Variants in DHX40 observed in about 807,000 individuals in gnomAD.
DHX40 encodes the protein DEAH-box helicase 40.
In DHX40, 28 loss-of-function variants were observed where a neutral mutation model predicts 89.6. That is an observed-to-expected ratio of 0.31 (90% confidence interval 0.23 to 0.43). The LOEUF (loss-of-function observed/expected upper bound fraction) is 0.43. Among genes scored for constraint, DHX40 ranks in the 20% least tolerant of loss-of-function variants. The pLI is 1.00. For missense variants in DHX40, 457 were observed against 844.0 expected (o/e 0.54, Z 5.68); for synonymous variants, 226 against 283.6 (o/e 0.80, Z 2.04).
At chr17:59,595,163 A>G (rs1246087828) in intron 12 of DHX40, among the ~76,000 whole-genome samples, 2 of 151,768 alleles carry the variant, frequency 1.3e-5, no homozygotes, top group Non-Finnish European at 2.9e-5. Flanking sequence ...AACTCACCAC[A>G]ACCTCTACCT....
At chr17:59,587,113 G>T (rs1022211911) in intron 11 of DHX40, among the ~76,000 whole-genome samples, 1 of 149,546 alleles carries the variant, frequency 6.7e-6, no homozygotes, top group African/African-American at 2.5e-5. Context: ...AGGAGATTGC[G>T]CCATTGCACT....
At position 59,570,784 on chromosome 17, in the gene DHX40, A is replaced by G; in HGVS notation, c.426+121A>G. On this transcript the variant is annotated intron_variant, in intron 3 of 17. Coordinates refer to ENST00000251241, the MANE Select transcript of DHX40 (RefSeq NM_024612.5). The stretch of plus-strand genomic sequence containing the variant: ...CTGTAGCCTCTACCTTCTGGGCTCA[A>G]GTGATCTCCTACCTCAGCCCCTTGG... 1.0e-6 allele frequency: 1 copy of G among 996,396 alleles called. No individual in the cohort carries two copies. 61.7% of individuals were successfully genotyped at this position (996,396 alleles called of 1,614,324 possible).
At chr17:59,570,404 A>C in intron 2 of DHX40, 114 bp from the exon 3 acceptor site, 1 of 992,862 alleles carries the variant, frequency 1.0e-6, no homozygotes, top group Non-Finnish European at 1.4e-6. Flanking sequence ...AATTTGCGAG[A>C]TATTCTTTTG....
At chr17:59,566,854 C>T (rs1421987041) in intron 2 of DHX40, 60 bp downstream of exon 2, 1 of 1,435,928 alleles carries the variant, frequency 7.0e-7, no homozygotes, top group East Asian at 2.5e-5. Context: ...TTTTAAAGGC[C>T]AGTAGGACTT....
intron 14 of DHX40, among the ~76,000 whole-genome samples, chr17:59,600,976 A>G (rs1340799062): frequency 6.7e-6 from 1 of 149,750 alleles, no homozygotes; most frequent in Non-Finnish European, 1.5e-5. Flanking sequence ...ATCATCCCAT[A>G]CTATAATAAA....
intron 11 of DHX40, among the ~76,000 whole-genome samples, chr17:59,587,162 A>G (rs2049010460): frequency 6.6e-6 from 1 of 151,842 alleles, no homozygotes; most frequent in Non-Finnish European, 1.5e-5. Context: ...TCTCCAAAAA[A>G]AAAAAAACGG....
At chr17:59,571,311 G>A (rs1339624756) in intron 3 of DHX40, among the ~76,000 whole-genome samples, 1 of 151,886 alleles carries the variant, frequency 6.6e-6, no homozygotes, top group African/African-American at 2.4e-5. Context: ...TACAAAATTA[G>A]CTGGGCACGG....
At chr17:59,576,110 G>A (rs1286753204) in intron 7 of DHX40, among the ~76,000 whole-genome samples, 2 of 147,510 alleles carry the variant, frequency 1.4e-5, no homozygotes, top group African/African-American at 5.1e-5. Context: ...TGCCATGTTG[G>A]CCAGGCTGGT....
intron 17 of DHX40, among the ~76,000 whole-genome samples, chr17:59,606,509 G>T (rs555934292): frequency 3.3e-5 from 5 of 152,276 alleles, no homozygotes; most frequent in African/African-American, 1.2e-4. Flanking sequence ...CACTTTGGGA[G>T]ACCAAGGCGG....
intron 6 of DHX40, among the ~76,000 whole-genome samples, chr17:59,574,496 A>G (rs1242918271): frequency 3.3e-5 from 5 of 151,378 alleles, no homozygotes; most frequent in African/African-American, 9.7e-5. Flanking sequence ...TAGTATGTAT[A>G]TATATTTTAT....
In DHX40 at chr17:59,592,626, G is replaced by A. The variant is rs898871051; in HGVS notation, c.1582+4573G>A. Among the ~76,000 whole-genome samples the A allele has an allele frequency of 6.9e-5, 10 of 145,876 alleles. 1 individual carries two copies. The highest frequency in any genetic ancestry group is 1.2e-4 in the Non-Finnish European group (8 of 66,420). ...AGAGTCTTGCTCTGTCATCCAGGGTGGAGTGCAGTGGCACAATCTCGGCTC... is the reference window on the plus strand; with the variant it reads ...AGAGTCTTGCTCTGTCATCCAGGGTAGAGTGCAGTGGCACAATCTCGGCTC... On this transcript the variant is annotated intron_variant, in intron 12 of 17. Transcript: ENST00000251241.
At chr17:59,602,389 A>G in intron 14 of DHX40, 133 bp from the exon 15 acceptor site, 2 of 691,144 alleles carry the variant, frequency 2.9e-6, no homozygotes, top group Non-Finnish European at 4.4e-6. Context: ...TTTCAGGTGG[A>G]AGGGTAAATC....
chr17:59,577,604 G>A (rs1429629756), intron 8 of DHX40, among the ~76,000 whole-genome samples: 3 of 150,676 alleles, frequency 2.0e-5, no homozygotes, highest in African/African-American at 7.4e-5. Context: ...TAGAGACAGG[G>A]TCTCATTATG....
chr17:59,565,646 G>A lies in DHX40; in HGVS notation c.-26G>A, dbSNP rs368454451. 3.8e-6 allele frequency: 6 copies of A among 1,587,906 alleles called. No homozygotes were observed. The African/African-American group carries it at 6.7e-5, about 18-fold the overall frequency. On this transcript the variant is annotated 5_prime_UTR_variant, in exon 1 of 18. Coordinates refer to ENST00000251241, the MANE Select transcript of DHX40 (RefSeq NM_024612.5). ...CCCATCTCCTCAGATCGGTGGACGT[G>A]CTCGCCTCCACTCGGGGCCAGGTCT...
In DHX40 at chr17:59,591,121, C is replaced by T. The variant is rs543104652; in HGVS notation, c.1582+3068C>T. Among the ~76,000 whole-genome samples, 33 of 151,676 alleles carry T rather than the reference C, an allele frequency of 2.2e-4. 1 individual carries two copies. The highest frequency in any genetic ancestry group is 4.6e-4 in the Non-Finnish European group (31 of 67,780). Reference sequence around the variant, plus strand: ...GTCAGGAGTTTAAGACCAGCCTGGCCGACATGGTGAAACCCTGTCTCTACT... The same window carrying T: ...GTCAGGAGTTTAAGACCAGCCTGGCTGACATGGTGAAACCCTGTCTCTACT... On this transcript the variant is annotated intron_variant, in intron 12 of 17. Transcript: ENST00000251241.
chr17:59,574,105 A>G (rs532488701), intron 5 of DHX40, 83 bp from the exon 6 acceptor site: 40 of 600,144 alleles, frequency 6.7e-5, no homozygotes, highest in Middle Eastern at 8.6e-4. Flanking sequence ...ACCAAATTTA[A>G]TTTTTCTGTG....
chr17:59,569,730 T>G (rs1475131974), intron 2 of DHX40, among the ~76,000 whole-genome samples: 1 of 145,376 alleles, frequency 6.9e-6, no homozygotes, highest in East Asian at 2.0e-4. Flanking sequence ...TATATAGATA[T>G]ATATATAATT....
intron 3 of DHX40, among the ~76,000 whole-genome samples, chr17:59,571,893 C>G (rs1458723105): frequency 6.6e-6 from 1 of 152,118 alleles, no homozygotes; most frequent in Non-Finnish European, 1.5e-5. Flanking sequence ...TACTTTCTGT[C>G]TCTACAAATT....
At position 59,569,121 on chromosome 17, in the gene DHX40, A is replaced by G. The variant is rs1373027011; in HGVS notation, c.281-1397A>G. On this transcript the variant is annotated intron_variant, in intron 2 of 17. Transcript: ENST00000251241. ...AGGCAGATGGATCACTTGAGGTCAG[A>G]AGTTTGCGACCAGCCTGGCCAACAT... Among the ~76,000 whole-genome samples, 394 of 152,076 alleles carry G rather than the reference A, an allele frequency of 2.6e-3. 1 individual carries two copies. Among genetic ancestry groups the G allele is most frequent in the African/African-American group, 8.5e-3 (352 of 41,500 alleles).
Sources: allele counts gnomAD v4.1 joint callset (sites outside exome capture counted in the v4.1 genomes callset), GRCh38; gene constraint gnomAD v4.1.1; transcripts MANE v1.5; gene names NCBI Gene and HGNC (gene_info 2026-07-23, HGNC 2026-07-21).